The following ARHGEF17 variants were observed in gnomAD, a reference collection of about 807,000 sequenced individuals.
The protein encoded by ARHGEF17 is 164 kDa Rho-specific guanine-nucleotide exchange factor.
Under a neutral mutation model 174.0 loss-of-function variants are expected in ARHGEF17, and 80 were observed. That is an observed-to-expected ratio of 0.46 (90% CI 0.38 to 0.55). The LOEUF (loss-of-function observed/expected upper bound fraction) is 0.55, where lower values mean the gene tolerates loss of function less well. Among genes scored for constraint, ARHGEF17 ranks in the 20% least tolerant of loss-of-function variants. ARHGEF17 has a pLI of 0.00. For synonymous variants in ARHGEF17, 1,311 were observed against 1,189.1 expected (o/e 1.10, Z -2.11); for missense variants, 2,886 against 2,839.7 (o/e 1.02, Z -0.37).
Position 73,311,306 on chromosome 11 carries a change from C to G in ARHGEF17, c.2668C>G (p.Pro890Ala), listed in dbSNP as rs1864827768. ...RSRAQSERAL[P>A]EALPPPATAH... is the part of the protein sequence containing the mutation. ...CCGGGCACAGTCTGAAAGGGCCCTA[C>G]CTGAGGCTCTGCCTCCCCCTGCCAC... The change falls in exon 1 of 21, where the codon CCT (proline) becomes GCT (alanine). Residue 890 changes from proline (P) to alanine (A), a missense_variant. Pro to Ala is a conservative substitution (Grantham distance 27). Transcript: ENST00000263674. The G allele has an allele frequency of 6.2e-7, 1 of 1,613,118 alleles. No individual in the cohort carries two copies. Among genetic ancestry groups the G allele is most frequent in the Non-Finnish European group, 8.5e-7 (1 of 1,180,038 alleles).
chr11:73,361,979 T>G (rs1591761782), intron 12 of ARHGEF17, 61 bp from the exon 13 acceptor site: 1 of 1,567,586 alleles, frequency 6.4e-7, no homozygotes, highest in South Asian at 1.2e-5. Flanking sequence ...TTCCCAGGAG[T>G]GGGGAATGCT....
chr11:73,361,153 G>A lies in ARHGEF17; in HGVS notation c.4486G>A (p.Gly1496Ser), dbSNP rs373125271. The change falls in exon 12 of 21, where the codon GGC (glycine) becomes AGC (serine). Residue 1496 changes from glycine to serine, a missense_variant. Transcript: ENST00000263674. ...CATCCCCATCATGAAAACCCGCAGT[G>A]GCATGCAGGTATGTCTGCATCTGGG... ...KAIPIMKTRS[G>S]MQFSCAAPTL... The A allele has an allele frequency of 1.9e-6, 3 of 1,613,976 alleles. No individual in the cohort carries two copies. Among genetic ancestry groups the A allele is most frequent in the Non-Finnish European group, 2.5e-6 (3 of 1,179,994 alleles).
rs1864732127 is a variant in ARHGEF17 at position 73,308,616 on chromosome 11, C to T, written c.-23C>T. ...TGGCCGCGGCTGCCCGAGGCCAGCC[C>T]CCCCGGAGTGAGTTACGCCACTATG... On this transcript the variant is annotated 5_prime_UTR_variant, in exon 1 of 21. Transcript: ENST00000263674. The T allele has an allele frequency of 2.1e-6, 3 of 1,442,676 alleles. No individual in the cohort carries two copies. Among genetic ancestry groups the T allele is most frequent in the Non-Finnish European group, 2.7e-6 (3 of 1,101,820 alleles). The allele number at this position is 1,442,676 out of a possible 1,614,324, so 89.4% of individuals were successfully genotyped here.
chr11:73,309,555 G>T lies in ARHGEF17; in HGVS notation c.917G>T (p.Cys306Phe). 6.2e-7 allele frequency: 1 copy of T among 1,605,222 alleles called. No homozygotes were observed. The highest frequency in any genetic ancestry group is 8.5e-7 in the Non-Finnish European group (1 of 1,173,840). The change falls in exon 1 of 21, where the codon TGC (cysteine) becomes TTC (phenylalanine). Residue 306 changes from cysteine to phenylalanine, a missense_variant. Transcript: ENST00000263674. The stretch of plus-strand genomic sequence containing the variant: ...GGAAGCTCCCTATTGGATCAGGACT[G>T]CAGGCCTGACAGTGATGGGTTAAAT... The part of the protein sequence containing the change: ...RPGSSLLDQD[C>F]RPDSDGLNLS...
intron 17 of ARHGEF17, 37 bp from the exon 18 acceptor site, chr11:73,364,415 C>T: frequency 6.2e-7 from 1 of 1,612,660 alleles, no homozygotes; most frequent in Non-Finnish European, 8.5e-7. Context: ...AAATTTAGAA[C>T]TGGAGTGAAT....
At chr11:73,357,724 A>C (rs7930880) in intron 9 of ARHGEF17, among the ~76,000 whole-genome samples, 34,738 of 152,236 alleles carry the variant, frequency 0.23, 6,884 homozygotes, top group African/African-American at 0.54. Context: ...ACTGCAAGCA[A>C]AGGGTTGATT....
chr11:73,310,444 C>T lies in ARHGEF17; in HGVS notation c.1806C>T (p.Ile602=), dbSNP rs1244185530. ...VQEARQVFEK[I]QRMGAQQDDG... is the part of the protein sequence containing the mutation. ...AGGCCCGCCAGGTTTTTGAGAAGAT[C>T]CAGCGCATGGGTGCCCAACAAGATG... Residue 602 remains isoleucine (I), a synonymous_variant, in exon 1 of 21, where the codon ATC becomes ATT. Coordinates refer to ENST00000263674, the MANE Select transcript of ARHGEF17 (RefSeq NM_014786.4). 6.2e-7 allele frequency: 1 copy of T among 1,613,892 alleles called. No individual in the cohort carries two copies. Among genetic ancestry groups the T allele is most frequent in the Non-Finnish European group, 8.5e-7 (1 of 1,180,044 alleles).
chr11:73,342,650 G>T (rs1865388772), intron 1 of ARHGEF17, among the ~76,000 whole-genome samples: 1 of 152,086 alleles, frequency 6.6e-6, no homozygotes, highest in African/African-American at 2.4e-5. Flanking sequence ...TGTGTGTCCC[G>T]TGCTCCGTGG....
rs146839471 is a variant in ARHGEF17, at chr11:73,365,420, C to G, written c.5581C>G (p.Arg1861Gly). The G allele has an allele frequency of 1.2e-5, 20 of 1,613,970 alleles. No individual in the cohort carries two copies. Among genetic ancestry groups the G allele is most frequent in the Non-Finnish European group, 1.6e-5 (19 of 1,180,018 alleles). Reference sequence around the variant, plus strand: ...GTTTTACGTGGGTCAGGATTCAAGCCGCTGCGTGGCTTGCATGGTGGACTC... The same window carrying G: ...GTTTTACGTGGGTCAGGATTCAAGCGGCTGCGTGGCTTGCATGGTGGACTC... ...HMFYVGQDSS[R>G]CVACMVDSSL... The change falls in exon 19 of 21, where the codon CGC (arginine) becomes GGC (glycine). Residue 1861 changes from arginine to glycine, a missense_variant. By Grantham distance (125) the Arg-to-Gly change is moderately radical. Transcript: ENST00000263674. The surrounding 1 kb of genome is among the most constrained non-coding windows in gnomAD (Gnocchi z 4.9).
intron 1 of ARHGEF17, among the ~76,000 whole-genome samples, chr11:73,334,143 G>C (rs1865252049): frequency 6.6e-6 from 1 of 152,214 alleles, no homozygotes; most frequent in Non-Finnish European, 1.5e-5. Context: ...TTGCCTGAGT[G>C]CAAGCCTGAC....
intron 1 of ARHGEF17, among the ~76,000 whole-genome samples, chr11:73,321,574 T>C (rs1430446010): frequency 3.4e-4 from 52 of 152,332 alleles, no homozygotes; most frequent in Non-Finnish European, 1.6e-4. Flanking sequence ...GGCGTTATTA[T>C]GAGGGCCAAA....
intron 1 of ARHGEF17, 69 bp downstream of exon 1, chr11:73,311,899 C>A (rs1864844760): frequency 6.7e-7 from 1 of 1,503,400 alleles, no homozygotes; most frequent in Non-Finnish European, 8.9e-7. Flanking sequence ...TCGGTTGGAG[C>A]CTTTTGCATT....
chr11:73,309,924 G>A lies in ARHGEF17; in HGVS notation c.1286G>A (p.Arg429Gln), dbSNP rs776661440. The change falls in exon 1 of 21, where the codon CGG (arginine) becomes CAG (glutamine). Residue 429 changes from arginine (R) to glutamine (Q), a missense_variant. Transcript: ENST00000263674. ...TTTGGAGCTGGGGAAGGGCTCCTGC[G>A]GTCCCAGGCTCGAACCCGTGCCAAA... Reference protein sequence around the residue: ...PSFGAGEGLLRSQARTRAKGP... With the variant: ...PSFGAGEGLLQSQARTRAKGP... 21 of 1,613,264 alleles carry A rather than the reference G, an allele frequency of 1.3e-5. No individual in the cohort carries two copies. Among genetic ancestry groups the A allele is most frequent in the Middle Eastern group, 1.6e-4 (1 of 6,082 alleles).
chr11:73,350,568 AT>A (rs2134413761), intron 2 of ARHGEF17, among the ~76,000 whole-genome samples: 1 of 152,280 alleles, frequency 6.6e-6, no homozygotes, highest in South Asian at 2.1e-4. Context: ...GCCCTCACTA[AT>A]TGATAAGTGT....
chr11:73,355,804 T>G, intron 4 of ARHGEF17, 57 bp from the exon 5 acceptor site: 1 of 1,607,264 alleles, frequency 6.2e-7, no homozygotes, highest in East Asian at 2.2e-5. Context: ...GACCTGTCCC[T>G]GGACATAGTC....
At position 73,365,573 on chromosome 11, in the gene ARHGEF17, C is replaced by G; in HGVS notation, c.5725+9C>G. 1 of 1,613,748 alleles carries G rather than the reference C, an allele frequency of 6.2e-7. No individual in the cohort carries two copies. The highest frequency in any genetic ancestry group is 8.5e-7 in the Non-Finnish European group (1 of 1,179,716). The stretch of plus-strand genomic sequence containing the variant: ...GCACAGGATGCTGGCAGGTACTGAC[C>G]TCAAACTACCACAGCACCCTCCTTG... On this transcript the variant is annotated intron_variant, in intron 19 of 20. Coordinates refer to ENST00000263674, the MANE Select transcript of ARHGEF17 (RefSeq NM_014786.4). This position sits in a 1 kb window ranked among gnomAD's most constrained non-coding sequence, Gnocchi z 4.9.
chr11:73,309,800 C>G lies in ARHGEF17; in HGVS notation c.1162C>G (p.Arg388Gly), dbSNP rs200132734. The change falls in exon 1 of 21, where the codon CGC (arginine) becomes GGC (glycine). Residue 388 changes from arginine to glycine, a missense_variant. Arg to Gly is a moderately radical substitution (Grantham distance 125, BLOSUM62 -2). Transcript: ENST00000263674. ...GTACCTGGCCAGCCCCGCAGGCTCC[C>G]GCGGTAGCAGCCGTTATTCCAGCAC... Reference protein sequence around the residue: ...PSYLASPAGSRGSSRYSSTET... With the variant: ...PSYLASPAGSGGSSRYSSTET... 43 of 1,613,066 alleles carry G rather than the reference C, an allele frequency of 2.7e-5. No homozygotes were observed. The East Asian group carries it at 9.6e-4, about 36-fold the overall frequency.
chr11:73,339,582 G>GTA (rs1865338309), intron 1 of ARHGEF17, among the ~76,000 whole-genome samples: 1 of 152,208 alleles, frequency 6.6e-6, no homozygotes, highest in Admixed American at 6.5e-5. Flanking sequence ...GATGCAGGAG[G>GTA]TATGGGTGGG....
In ARHGEF17 at chr11:73,308,615, C is replaced by A. The variant is rs1342885747; in HGVS notation, c.-24C>A. On this transcript the variant is annotated 5_prime_UTR_variant, in exon 1 of 21. Transcript: ENST00000263674. Reference sequence around the variant, plus strand: ...TTGGCCGCGGCTGCCCGAGGCCAGCCCCCCCGGAGTGAGTTACGCCACTAT... The same window carrying A: ...TTGGCCGCGGCTGCCCGAGGCCAGCACCCCCGGAGTGAGTTACGCCACTAT... 1.3e-5 allele frequency: 18 copies of A among 1,431,028 alleles called. No individual in the cohort carries two copies. The highest frequency in any genetic ancestry group is 4.3e-5 in the South Asian group (3 of 70,286). The allele number at this position is 1,431,028 out of a possible 1,614,324, so 88.6% of individuals were successfully genotyped here. A position where few individuals can be genotyped will look rare whatever the true frequency, so the allele number is the denominator to read the frequency against.
Sources: gnomAD v4.1 joint callset for allele counts (sites outside exome capture counted in the v4.1 genomes callset) on GRCh38, gnomAD v4.1.1 for gene constraint, Gnocchi (gnomAD v3.1) non-coding constraint, MANE v1.5 for transcripts, NCBI Gene and HGNC (gene_info 2026-07-23, HGNC 2026-07-21) for gene names.